RFTN1: variants seen among roughly 807,000 people sequenced by gnomAD.
The protein encoded by RFTN1 is raftlin.
RFTN1 carries 26 observed loss-of-function variants against 46.5 expected under a neutral mutation model. That is an observed-to-expected ratio of 0.56 (90% CI 0.41 to 0.78). The LOEUF is 0.78. Ranked by LOEUF, RFTN1 falls within the 30% of genes least tolerant of loss-of-function variation. The pLI is 0.00. For synonymous variants in RFTN1, 261 were observed against 284.2 expected, an observed-to-expected ratio of 0.92 and a Z score of 0.82; for missense variants, 693 against 718.7, an observed-to-expected ratio of 0.96 and a Z score of 0.41.
At chr3:16,486,963 C>CT (rs1488042572) in intron 2 of RFTN1, among the ~76,000 whole-genome samples, 2 of 152,250 alleles carry the variant, frequency 1.3e-5, no homozygotes, top group Non-Finnish European at 2.9e-5. Context: ...CTCACTCTCT[C>CT]TGTCTTCCCC....
At chr3:16,354,298 G>T (rs1479453973) in intron 7 of RFTN1, among the ~76,000 whole-genome samples, 2 of 152,228 alleles carry the variant, frequency 1.3e-5, no homozygotes, top group Non-Finnish European at 2.9e-5. Context: ...ACTCCTGAAG[G>T]TTGTTTCCAC....
chr3:16,433,414 C>T lies in RFTN1; in HGVS notation c.332+437G>A, dbSNP rs1057196335. On this transcript the variant is annotated intron_variant, in intron 3 of 9. Transcript: ENST00000334133. This position sits in a 1 kb window ranked among gnomAD's most constrained non-coding sequence, Gnocchi z 4.4. Reference sequence around the variant, plus strand: ...AGTGATTGACAGAATTTATGGTAGGCGCAAAATGTTAAAGTATTTCTAGAC... The same window carrying T: ...AGTGATTGACAGAATTTATGGTAGGTGCAAAATGTTAAAGTATTTCTAGAC... Among the ~76,000 whole-genome samples the T allele has an allele frequency of 1.1e-4, 17 of 152,174 alleles. No individual in the cohort carries two copies. Among genetic ancestry groups the T allele is most frequent in the African/African-American group, 2.2e-4 (9 of 41,514 alleles).
chr3:16,317,118 C>T lies in RFTN1; in HGVS notation c.1447G>A (p.Asp483Asn), dbSNP rs1423406997. ...QAEENEKNLE[D>N]QSSKAGDMGN... ...ATGTCTCCAGCTTTGGAAGACTGGT[C>T]TTCTAAGTTCTTCTCATTTTCTTCT... The change falls in exon 10 of 10, where the codon GAC becomes AAC. Residue 483 changes from aspartate to asparagine, a missense_variant. By Grantham distance (23) the Asp-to-Asn change is conservative. Transcript: ENST00000334133. This position sits in a 1 kb window ranked among gnomAD's most constrained non-coding sequence, Gnocchi z 4.3. 3 of 1,613,716 alleles carry T rather than the reference C, an allele frequency of 1.9e-6. No homozygotes were observed. The highest frequency in any genetic ancestry group is 1.7e-5 in the Admixed American group (1 of 59,984).
intron 6 of RFTN1, among the ~76,000 whole-genome samples, chr3:16,366,463 C>T (rs977273227): frequency 9.9e-5 from 15 of 152,170 alleles, no homozygotes; most frequent in Admixed American, 9.2e-4. Context: ...TTCTTGCTTC[C>T]ATCGGGTCCT....
Position 16,327,773 on chromosome 3 carries a change from C to A in RFTN1, c.1147-897G>T, listed in dbSNP as rs1363547159. ...GGGATTCCCATCTCAAAAAAAAAAA[C>A]AAAACGAAAAAAACTTCAGCCCCCT... On this transcript the variant is annotated intron_variant, in intron 7 of 9. Coordinates refer to ENST00000334133, the MANE Select transcript of RFTN1 (RefSeq NM_015150.2). The surrounding 1 kb of genome is among the most constrained non-coding windows in gnomAD (Gnocchi z 4.2). 2.0e-5 allele frequency among the ~76,000 whole-genome samples: 3 copies of A among 148,268 alleles called. No homozygotes were observed. Among genetic ancestry groups the A allele is most frequent in the Non-Finnish European group, 3.0e-5 (2 of 66,858 alleles).
chr3:16,505,447 G>C (rs2125010758), intron 1 of RFTN1, among the ~76,000 whole-genome samples: 1 of 152,310 alleles, frequency 6.6e-6, no homozygotes, highest in East Asian at 1.9e-4. Context: ...ATGTGTGTGT[G>C]TGTGTACCCA....
chr3:16,403,507 A>G (rs1479914283), intron 4 of RFTN1, among the ~76,000 whole-genome samples: 4 of 135,554 alleles, frequency 3.0e-5, no homozygotes, highest in Non-Finnish European at 6.1e-5. Flanking sequence ...ATTTAAATAA[A>G]CCATAGATAC....
At chr3:16,412,883 A>G (rs1471415198) in intron 3 of RFTN1, among the ~76,000 whole-genome samples, 1 of 152,182 alleles carries the variant, frequency 6.6e-6, no homozygotes, top group East Asian at 1.9e-4. Context: ...CTACAACTAC[A>G]AGGAGATGAT....
intron 2 of RFTN1, among the ~76,000 whole-genome samples, chr3:16,464,156 A>T (rs1411883492): frequency 1.3e-5 from 2 of 152,120 alleles, no homozygotes; most frequent in Non-Finnish European, 2.9e-5. Flanking sequence ...CCAACTGTGC[A>T]TTTCTGGCTC....
chr3:16,432,951 A>G (rs1004682109), intron 3 of RFTN1, among the ~76,000 whole-genome samples: 20 of 152,208 alleles, frequency 1.3e-4, no homozygotes, highest in African/African-American at 4.6e-4. Context: ...GTCCCTTATG[A>G]GCACACCAGC....
chr3:16,319,169 C>T (rs13320396), intron 9 of RFTN1, among the ~76,000 whole-genome samples: 11,592 of 152,182 alleles, frequency 0.076, 1,427 homozygotes, highest in African/African-American at 0.26. Flanking sequence ...CAGTCAGAGC[C>T]TCTTCACATT....
intron 2 of RFTN1, among the ~76,000 whole-genome samples, chr3:16,441,635 A>C (rs920696601): frequency 1.3e-5 from 2 of 152,224 alleles, no homozygotes; most frequent in Non-Finnish European, 2.9e-5. Context: ...GAACTGCAAC[A>C]GCTTCTATTA....
chr3:16,465,509 C>T lies in RFTN1; in HGVS notation c.145+28216G>A, dbSNP rs554937640. On this transcript the variant is annotated intron_variant, in intron 2 of 9. Transcript: ENST00000334133. This position sits in a 1 kb window ranked among gnomAD's most constrained non-coding sequence, Gnocchi z 5.1. ...TAAAAATCCAAAATCCAATACAGTT[C>T]GAAACTTAACAATAATTTAAAAGAA... Among the ~76,000 whole-genome samples, 1 of 151,614 alleles carries T rather than the reference C, an allele frequency of 6.6e-6. No individual in the cohort carries two copies. The highest frequency in any genetic ancestry group is 2.4e-5 in the African/African-American group (1 of 41,210).
intron 7 of RFTN1, among the ~76,000 whole-genome samples, chr3:16,332,862 T>C (rs1337153349): frequency 7.0e-6 from 1 of 142,770 alleles, no homozygotes; most frequent in African/African-American, 2.6e-5. Context: ...TACCTACAAT[T>C]GAACCTCATT....
Position 16,509,571 on chromosome 3 carries a change from A to G in RFTN1, c.-9+3871T>C, listed in dbSNP as rs2076864586. Among the ~76,000 whole-genome samples, 1 of 152,232 alleles carries G rather than the reference A, an allele frequency of 6.6e-6. No homozygotes were observed. Among genetic ancestry groups the G allele is most frequent in the Admixed American group, 6.5e-5 (1 of 15,286 alleles). Reference sequence around the variant, plus strand: ...CAGCTATAATTATTTGTATTTTATTAACAATATTAAAATCAGTAATAAAGA... The same window carrying G: ...CAGCTATAATTATTTGTATTTTATTGACAATATTAAAATCAGTAATAAAGA... On this transcript the variant is annotated intron_variant, in intron 1 of 9. Transcript: ENST00000334133. This position sits in a 1 kb window ranked among gnomAD's most constrained non-coding sequence, Gnocchi z 4.9.
At chr3:16,455,907 T>C (rs868602737) in intron 2 of RFTN1, among the ~76,000 whole-genome samples, 2 of 152,162 alleles carry the variant, frequency 1.3e-5, no homozygotes, top group Admixed American at 6.5e-5. Context: ...CCTCCATTCC[T>C]CATGGAAATT....
In RFTN1 at chr3:16,316,730, TA is replaced by T; in HGVS notation, c.*97del. 1 of 1,447,908 alleles carries T rather than the reference TA, an allele frequency of 6.9e-7. No individual in the cohort carries two copies. The highest frequency in any genetic ancestry group is 9.6e-7 in the Non-Finnish European group (1 of 1,036,586). 89.7% of individuals were successfully genotyped at this position (1,447,908 alleles called of 1,614,324 possible). On this transcript the variant is annotated 3_prime_UTR_variant, in exon 10 of 10. Transcript: ENST00000334133. The surrounding 1 kb of genome is among the most constrained non-coding windows in gnomAD (Gnocchi z 4.5). ...AGGTCAAGCCAAGCCAAAGGGTAGG[TA>T]ACACACAACACCAGGGAAACCAGCC... is the stretch of plus-strand genomic sequence containing the variant.
At position 16,346,523 on chromosome 3, in the gene RFTN1, C is replaced by T. The variant is rs1191277900; in HGVS notation, c.1146+11409G>A. On this transcript the variant is annotated intron_variant, in intron 7 of 9. Transcript: ENST00000334133. This position sits in a 1 kb window ranked among gnomAD's most constrained non-coding sequence, Gnocchi z 4.4. ...TAGGAGCATCCTGCCTTGCTAGTCC[C>T]CCTCAGTGGCACATTCTGTTGGCTG... The T allele has an allele frequency of 6.6e-6, 1 of 152,126 alleles. No individual in the cohort carries two copies. Among genetic ancestry groups the T allele is most frequent in the Non-Finnish European group, 1.5e-5 (1 of 68,034 alleles). The allele number at this position is 152,126 out of a possible 1,614,324, so 9.4% of individuals were successfully genotyped here. A position where few individuals can be genotyped will look rare whatever the true frequency, so the allele number is the denominator to read the frequency against.
chr3:16,403,068 C>T (rs996697301), intron 4 of RFTN1, among the ~76,000 whole-genome samples: 2 of 152,148 alleles, frequency 1.3e-5, no homozygotes, highest in African/African-American at 4.8e-5. Flanking sequence ...AGAACCTGGG[C>T]GGCAAGGGCC....
Sources: allele counts gnomAD v4.1 joint callset (sites outside exome capture counted in the v4.1 genomes callset), GRCh38; gene constraint gnomAD v4.1.1; non-coding constraint Gnocchi (gnomAD v3.1); transcripts MANE v1.5; gene names NCBI Gene and HGNC (gene_info 2026-07-23, HGNC 2026-07-21).